Variants in INPP4B observed in about 807,000 individuals in gnomAD.
INPP4B encodes inositol polyphosphate-4-phosphatase type II B.
In INPP4B, 55 loss-of-function variants were observed where a neutral mutation model predicts 122.5. That is an observed-to-expected ratio of 0.45 (90% CI 0.36 to 0.56). The LOEUF (loss-of-function observed/expected upper bound fraction) is 0.56, where lower values mean the gene tolerates loss of function less well. INPP4B is among the 20% of genes least tolerant of loss of function. The pLI is 0.00. For missense variants in INPP4B, 1,000 were observed against 1,097.7 expected (o/e 0.91, Z 1.26); for synonymous variants, 403 against 388.7 (o/e 1.04, Z -0.43).
intron 1 of INPP4B, among the ~76,000 whole-genome samples, chr4:142,745,134 A>C (rs569070447): frequency 2.0e-5 from 3 of 152,012 alleles, no homozygotes; most frequent in Non-Finnish European, 2.9e-5. Context: ...AAAGTTGAGA[A>C]TAGGATAGCA....
intron 2 of INPP4B, among the ~76,000 whole-genome samples, chr4:142,534,494 C>A (rs1300661771): frequency 6.6e-6 from 1 of 151,984 alleles, no homozygotes; most frequent in East Asian, 1.9e-4. Context: ...AAGCAGAGAG[C>A]CTGATGACTT....
chr4:142,785,992 A>T (rs1045616580), intron 1 of INPP4B, among the ~76,000 whole-genome samples: 1 of 152,186 alleles, frequency 6.6e-6, no homozygotes, highest in African/African-American at 2.4e-5. Flanking sequence ...ATCTGAAATC[A>T]TACAAGCAAA....
intron 7 of INPP4B, among the ~76,000 whole-genome samples, chr4:142,369,165 G>A (rs543239067): frequency 7.9e-5 from 12 of 152,064 alleles, no homozygotes; most frequent in Non-Finnish European, 1.6e-4. Flanking sequence ...CACTCTTGGG[G>A]TTTTGATTGT....
chr4:142,651,531 A>C (rs924065458), intron 2 of INPP4B, among the ~76,000 whole-genome samples: 4 of 152,198 alleles, frequency 2.6e-5, no homozygotes, highest in Non-Finnish European at 5.9e-5. Context: ...AAAACTGATA[A>C]AGGGGATATC....
intron 2 of INPP4B, among the ~76,000 whole-genome samples, chr4:142,509,646 T>C (rs971163785): frequency 2.6e-5 from 4 of 152,194 alleles, no homozygotes; most frequent in Non-Finnish European, 5.9e-5. Flanking sequence ...AAACTGAAAC[T>C]GATCCCCTTC....
chr4:142,142,372 G>C (rs1308813506), intron 18 of INPP4B, among the ~76,000 whole-genome samples: 1 of 152,008 alleles, frequency 6.6e-6, no homozygotes, highest in African/African-American at 2.4e-5. Flanking sequence ...GTAATCAGAA[G>C]GTTGCTTTTA....
In INPP4B at chr4:142,555,727, C is replaced by T. The variant is rs1024767038; in HGVS notation, c.-190-93001G>A. On this transcript the variant is annotated intron_variant, in intron 2 of 25. Coordinates refer to ENST00000262992, the MANE Select transcript of INPP4B (RefSeq NM_001101669.3). ...ACTAAAAATACAAAAAAAAATTAGC[C>T]GGGCGTGGTAGTGGGCGCCTGTAGT... 1.3e-4 allele frequency among the ~76,000 whole-genome samples: 19 copies of T among 151,810 alleles called. No homozygotes were observed. In the East Asian group the frequency reaches 2.9e-3, roughly 23 times the overall value.
chr4:142,281,403 C>T (rs1295231072), intron 9 of INPP4B, among the ~76,000 whole-genome samples: 21 of 150,978 alleles, frequency 1.4e-4, no homozygotes, highest in Admixed American at 1.4e-3. Context: ...ATTACAAAAC[C>T]AATCAAAATG....
intron 7 of INPP4B, among the ~76,000 whole-genome samples, chr4:142,318,368 T>G (rs141304723): frequency 1.6e-4 from 25 of 152,122 alleles, no homozygotes; most frequent in Non-Finnish European, 3.5e-4. Context: ...CTGAACTGAT[T>G]TAGATGAGAC....
chr4:142,505,183 G>A (rs1164238162), intron 2 of INPP4B, among the ~76,000 whole-genome samples: 1 of 150,912 alleles, frequency 6.6e-6, no homozygotes, highest in African/African-American at 2.4e-5. Context: ...AGGTTGCAGT[G>A]AGCCATGATT....
chr4:142,825,169 G>A (rs1445208376), intron 1 of INPP4B, among the ~76,000 whole-genome samples: 1 of 152,028 alleles, frequency 6.6e-6, no homozygotes, highest in African/African-American at 2.4e-5. Flanking sequence ...TCTTCGCTTT[G>A]ACTTCTTTTG....
intron 2 of INPP4B, among the ~76,000 whole-genome samples, chr4:142,635,651 A>G (rs1748980155): frequency 1.3e-5 from 2 of 152,196 alleles, no homozygotes; most frequent in African/African-American, 4.8e-5. Flanking sequence ...ATAGGAGCTA[A>G]ATGAGGAGAA....
chr4:142,522,158 T>A (rs1826167440), intron 2 of INPP4B, among the ~76,000 whole-genome samples: 1 of 152,130 alleles, frequency 6.6e-6, no homozygotes, highest in Admixed American at 6.6e-5. Flanking sequence ...TTACCATTTC[T>A]TTTGTTGCAT....
At chr4:142,213,140 G>A (rs908032251) in intron 12 of INPP4B, among the ~76,000 whole-genome samples, 3 of 152,236 alleles carry the variant, frequency 2.0e-5, no homozygotes, top group Admixed American at 1.3e-4. Flanking sequence ...TTAGGCTATC[G>A]GATGTGGATG....
At chr4:142,489,658 G>A (rs562591356) in intron 2 of INPP4B, among the ~76,000 whole-genome samples, 33 of 152,032 alleles carry the variant, frequency 2.2e-4, no homozygotes, top group Admixed American at 1.4e-3. Context: ...CCTCCCAAAG[G>A]GCTGGGATTA....
At chr4:142,651,081 G>A (rs1752863251) in intron 2 of INPP4B, among the ~76,000 whole-genome samples, 1 of 152,000 alleles carries the variant, frequency 6.6e-6, no homozygotes, top group African/African-American at 2.4e-5. Flanking sequence ...TCAAAATTGT[G>A]CAACTACATA....
At chr4:142,336,621 C>T (rs530769218) in intron 7 of INPP4B, among the ~76,000 whole-genome samples, 1 of 152,358 alleles carries the variant, frequency 6.6e-6, no homozygotes, top group East Asian at 1.9e-4. Context: ...TTGCTGGAAT[C>T]TCTTGAGTTT....
intron 1 of INPP4B, among the ~76,000 whole-genome samples, chr4:142,756,352 C>T (rs1447943584): frequency 6.6e-6 from 1 of 152,018 alleles, no homozygotes; most frequent in African/African-American, 2.4e-5. Flanking sequence ...ACTGCCTTAC[C>T]TCTGGGATTC....
chr4:142,230,878 G>A (rs903026275), intron 12 of INPP4B, among the ~76,000 whole-genome samples: 3 of 152,194 alleles, frequency 2.0e-5, no homozygotes, highest in East Asian at 3.9e-4. Flanking sequence ...TTTCTTCACA[G>A]CAGTAAACAA....
Sources: allele counts gnomAD v4.1 joint callset (sites outside exome capture counted in the v4.1 genomes callset), GRCh38; gene constraint gnomAD v4.1.1; transcripts MANE v1.5; gene names NCBI Gene and HGNC (gene_info 2026-07-23, HGNC 2026-07-21).